LCLAT1: variants seen among roughly 807,000 people sequenced by gnomAD.
LCLAT1 encodes 1-AGP acyltransferase 8.
A neutral mutation model predicts 30.7 loss-of-function variants in LCLAT1; 11 were observed. The ratio of observed to expected loss-of-function variants is 0.36; its 90% CI spans 0.23 to 0.59. LCLAT1 has a LOEUF of 0.59. Ranked by LOEUF, LCLAT1 falls within the 20% of genes least tolerant of loss-of-function variation. The pLI, the probability that LCLAT1 is intolerant of heterozygous loss-of-function variation, is 0.77. For synonymous variants in LCLAT1, 155 were observed against 151.3 expected, an observed-to-expected ratio of 1.02 and a Z score of -0.18; for missense variants, 402 against 458.6, an observed-to-expected ratio of 0.88 and a Z score of 1.13.
intron 1 of LCLAT1, among the ~76,000 whole-genome samples, chr2:30,477,341 G>C (rs1683097557): frequency 6.6e-6 from 1 of 152,126 alleles, no homozygotes. Context: ...GTGTATTCAG[G>C]TTAGTGCTTG....
chr2:30,535,066 C>T (rs939291007), intron 3 of LCLAT1, among the ~76,000 whole-genome samples: 2 of 152,080 alleles, frequency 1.3e-5, no homozygotes, highest in African/African-American at 4.8e-5. Context: ...GAAAAAGCCA[C>T]AGTTATGTGT....
rs571635327 is a variant in LCLAT1, at chr2:30,642,943, C to A, written c.*2324C>A. ...TTGTCATTACTTGTGTTTTCCTATACATTCATCTGTGTGAAAGCCTTTTTC... is the reference window on the plus strand; with the variant it reads ...TTGTCATTACTTGTGTTTTCCTATAAATTCATCTGTGTGAAAGCCTTTTTC... On this transcript the variant is annotated 3_prime_UTR_variant, in exon 6 of 6. Coordinates refer to ENST00000379509, the MANE Select transcript of LCLAT1 (RefSeq NM_001002257.3). 5.1e-5 allele frequency: 2 copies of A among 38,964 alleles called. No individual in the cohort carries two copies. The highest frequency in any genetic ancestry group is 2.6e-4 in the African/African-American group (2 of 7,774). The allele number at this position is 38,964 out of a possible 1,614,324, so 2.4% of individuals were successfully genotyped here. A position where few individuals can be genotyped will look rare whatever the true frequency, so the allele number is the denominator to read the frequency against.
Position 30,476,372 on chromosome 2 carries a change from C to T in LCLAT1, c.-5+28989C>T, listed in dbSNP as rs557185655. ...AGTGGGTAGGAGGTGAATGGCAGGA[C>T]AGCAATCAAAGTTTCATCTGTCTTT... On this transcript the variant is annotated intron_variant, in intron 1 of 5. Coordinates refer to ENST00000379509, the MANE Select transcript of LCLAT1 (RefSeq NM_001002257.3). 5 of 456,564 alleles carry T rather than the reference C, an allele frequency of 1.1e-5. No homozygotes were observed. In the East Asian group the frequency reaches 2.8e-4, roughly 25 times the overall value. The allele number at this position is 456,564 out of a possible 1,614,324, so 28.3% of individuals were successfully genotyped here.
At chr2:30,455,124 C>T (rs1406691999) in intron 1 of LCLAT1, among the ~76,000 whole-genome samples, 1 of 149,086 alleles carries the variant, frequency 6.7e-6, no homozygotes, top group Non-Finnish European at 1.5e-5. Context: ...GATATAATTT[C>T]TAAAGCCGTA....
intron 2 of LCLAT1, among the ~76,000 whole-genome samples, chr2:30,532,554 G>A (rs1362646925): frequency 6.6e-6 from 1 of 152,042 alleles, no homozygotes; most frequent in Non-Finnish European, 1.5e-5. Flanking sequence ...AGGAAATTCA[G>A]CAATTATTTG....
intron 3 of LCLAT1, among the ~76,000 whole-genome samples, chr2:30,548,798 A>AT (rs974481847): frequency 3.3e-5 from 5 of 152,198 alleles, no homozygotes; most frequent in East Asian, 3.9e-4. Flanking sequence ...AAACATTTTG[A>AT]TTTTTTCCCT....
intron 1 of LCLAT1, among the ~76,000 whole-genome samples, chr2:30,470,614 A>G (rs1382917237): frequency 6.6e-6 from 1 of 152,182 alleles, no homozygotes; most frequent in African/African-American, 2.4e-5. Flanking sequence ...GGGTTTTCTC[A>G]CTGTTATAAT....
At chr2:30,488,939 A>T (rs1429751900) in intron 1 of LCLAT1, among the ~76,000 whole-genome samples, 4 of 152,172 alleles carry the variant, frequency 2.6e-5, no homozygotes, top group Non-Finnish European at 4.4e-5. Context: ...AAAATTATGG[A>T]CTCTAAATTT....
At chr2:30,565,239 G>A (rs1665423178) in intron 4 of LCLAT1, among the ~76,000 whole-genome samples, 1 of 152,166 alleles carries the variant, frequency 6.6e-6, no homozygotes, top group Non-Finnish European at 1.5e-5. Flanking sequence ...TAGGGTGGCA[G>A]AGTGGAGATC....
At chr2:30,546,718 C>T (rs1230155749) in intron 3 of LCLAT1, among the ~76,000 whole-genome samples, 2 of 152,130 alleles carry the variant, frequency 1.3e-5, no homozygotes, top group African/African-American at 4.8e-5. Context: ...TATTTAAAAT[C>T]TATAATGCCT....
chr2:30,562,024 A>G (rs1302804848), intron 3 of LCLAT1, 122 bp from the exon 4 acceptor site: 2 of 578,332 alleles, frequency 3.5e-6, no homozygotes, highest in African/African-American at 1.9e-5. Context: ...ATGCTATATC[A>G]TGAAATGTTT....
intron 5 of LCLAT1, among the ~76,000 whole-genome samples, chr2:30,605,053 C>T (rs1387649348): frequency 6.6e-6 from 1 of 152,194 alleles, no homozygotes; most frequent in Non-Finnish European, 1.5e-5. Flanking sequence ...ATGGGTCATT[C>T]TGATAAAACC....
At chr2:30,450,476 C>T (rs1681491654) in intron 1 of LCLAT1, among the ~76,000 whole-genome samples, 2 of 152,142 alleles carry the variant, frequency 1.3e-5, no homozygotes, top group Non-Finnish European at 2.9e-5. Flanking sequence ...GCATAGCTTC[C>T]ACTTTATGCT....
intron 1 of LCLAT1, among the ~76,000 whole-genome samples, chr2:30,468,191 A>G (rs1267768572): frequency 6.6e-6 from 1 of 152,232 alleles, no homozygotes; most frequent in Non-Finnish European, 1.5e-5. Context: ...AGCACCATTT[A>G]TTAAATAGGG....
chr2:30,474,603 G>A (rs1386476159), intron 1 of LCLAT1, among the ~76,000 whole-genome samples: 2 of 151,582 alleles, frequency 1.3e-5, no homozygotes, highest in East Asian at 3.9e-4. Context: ...GCTATTACCT[G>A]GTTAATGAAT....
At chr2:30,560,776 A>G (rs1405686806) in intron 3 of LCLAT1, among the ~76,000 whole-genome samples, 1 of 152,214 alleles carries the variant, frequency 6.6e-6, no homozygotes, top group East Asian at 1.9e-4. Context: ...TGAAATAATA[A>G]GAGTTTATTA....
At chr2:30,537,934 G>A (rs950448454) in intron 3 of LCLAT1, among the ~76,000 whole-genome samples, 1 of 152,000 alleles carries the variant, frequency 6.6e-6, no homozygotes, top group Non-Finnish European at 1.5e-5. Context: ...AGGAAATTTG[G>A]AAACTGTACC....
At chr2:30,602,237 T>C (rs1276019841) in intron 5 of LCLAT1, among the ~76,000 whole-genome samples, 1 of 152,198 alleles carries the variant, frequency 6.6e-6, no homozygotes, top group Non-Finnish European at 1.5e-5. Context: ...GTGTAGCAGA[T>C]AGATTGCTGA....
intron 5 of LCLAT1, among the ~76,000 whole-genome samples, chr2:30,635,719 ATTG>A (rs1558571385): frequency 6.6e-6 from 1 of 152,206 alleles, no homozygotes; most frequent in African/African-American, 2.4e-5. Context: ...AGTCATAGAA[ATTG>A]TAGTAGATGC....
Sources: gnomAD v4.1 joint callset for allele counts (sites outside exome capture counted in the v4.1 genomes callset) on GRCh38, gnomAD v4.1.1 for gene constraint, MANE v1.5 for transcripts, NCBI Gene and HGNC (gene_info 2026-07-23, HGNC 2026-07-21) for gene names.